The following CCDC85A variants were observed in gnomAD, a reference collection of about 807,000 sequenced individuals.
CCDC85A encodes the protein coiled-coil domain containing 85A, also known as coiled-coil domain-containing protein 85A.
In CCDC85A, 38 loss-of-function variants were observed where a neutral mutation model predicts 50.2. The observed-to-expected ratio is 0.76, with a 90% CI of 0.58 to 0.99. CCDC85A has a LOEUF of 0.99. Ranked by LOEUF, CCDC85A falls within the 50% of genes least tolerant of loss-of-function variation. The pLI is 0.00. For synonymous variants in CCDC85A, 366 were observed against 301.4 expected, an observed-to-expected ratio of 1.21 and a Z score of -2.22; for missense variants, 820 against 742.0, an observed-to-expected ratio of 1.11 and a Z score of -1.22.
chr2:56,344,799 A>G (rs1215103927), intron 3 of CCDC85A, among the ~76,000 whole-genome samples: 1 of 152,160 alleles, frequency 6.6e-6, no homozygotes, highest in Non-Finnish European at 1.5e-5. Context: ...TGGTTGTGCC[A>G]TCTCTCAGGC....
intron 2 of CCDC85A, among the ~76,000 whole-genome samples, chr2:56,314,710 C>T (rs543014164): frequency 1.3e-5 from 2 of 152,280 alleles, no homozygotes; most frequent in South Asian, 2.1e-4. Flanking sequence ...ACTGATTTCT[C>T]AGATGCCTGC....
chr2:56,308,257 C>G (rs1035582936), intron 2 of CCDC85A, among the ~76,000 whole-genome samples: 11 of 152,206 alleles, frequency 7.2e-5, no homozygotes, highest in Admixed American at 3.9e-4. Context: ...AGCTGTCTGT[C>G]CCTCTATAGA....
intron 3 of CCDC85A, among the ~76,000 whole-genome samples, chr2:56,367,480 A>G (rs1434841504): frequency 2.0e-5 from 3 of 152,128 alleles, no homozygotes; most frequent in Non-Finnish European, 1.5e-5. Flanking sequence ...TAGTTTCCCA[A>G]CATAGTTCTC....
chr2:56,380,577 C>T (rs918012960), intron 5 of CCDC85A, among the ~76,000 whole-genome samples: 6 of 150,550 alleles, frequency 4.0e-5, no homozygotes, highest in African/African-American at 1.2e-4. Flanking sequence ...AAAACAACAA[C>T]AACAGGATAG....
chr2:56,302,713 A>G (rs1573212532), intron 2 of CCDC85A, among the ~76,000 whole-genome samples: 1 of 152,190 alleles, frequency 6.6e-6, no homozygotes, highest in South Asian at 2.1e-4. Flanking sequence ...CATAAAGCTC[A>G]TTTTTACAAA....
At chr2:56,250,756 G>T (rs1558605987) in intron 2 of CCDC85A, among the ~76,000 whole-genome samples, 1 of 152,158 alleles carries the variant, frequency 6.6e-6, no homozygotes, top group African/African-American at 2.4e-5. Flanking sequence ...AAACAATCAA[G>T]TCTCTGTTCA....
At chr2:56,320,872 A>G (rs1450231506) in intron 2 of CCDC85A, among the ~76,000 whole-genome samples, 3 of 152,180 alleles carry the variant, frequency 2.0e-5, no homozygotes, top group Non-Finnish European at 4.4e-5. Context: ...CCTGATGAAC[A>G]TCAATGCAAA....
chr2:56,189,534 G>T (rs955941712), intron 1 of CCDC85A, among the ~76,000 whole-genome samples: 1 of 151,986 alleles, frequency 6.6e-6, no homozygotes, highest in Non-Finnish European at 1.5e-5. Context: ...CAAGTGATCT[G>T]CCCACCTCGG....
In CCDC85A at chr2:56,255,421, T is replaced by A. The variant is rs541679527; in HGVS notation, c.1240+61981T>A. ...TAGAATTAAGGAACCATTCACAAGGTTGAGGAAGGGATAGACAGGGTGATA... is the reference window on the plus strand; with the variant it reads ...TAGAATTAAGGAACCATTCACAAGGATGAGGAAGGGATAGACAGGGTGATA... On this transcript the variant is annotated intron_variant, in intron 2 of 5. Transcript: ENST00000407595. 9.4e-4 allele frequency among the ~76,000 whole-genome samples: 143 copies of A among 151,990 alleles called. 2 individuals carry two copies. Among genetic ancestry groups the A allele is most frequent in the African/African-American group, 3.4e-3 (141 of 41,432 alleles).
intron 2 of CCDC85A, among the ~76,000 whole-genome samples, chr2:56,252,103 A>G (rs1382452171): frequency 3.3e-5 from 5 of 150,896 alleles, no homozygotes. Flanking sequence ...TTGGAGTGCA[A>G]TGGCTCAATC....
rs1305873818 is a variant in CCDC85A at position 56,385,437 on chromosome 2, GTATACA to G, written c.*1093_*1098del. 1 of 152,050 alleles carries G rather than the reference GTATACA, an allele frequency of 6.6e-6. No individual in the cohort carries two copies. Among genetic ancestry groups the G allele is most frequent in the African/African-American group, 2.4e-5 (1 of 41,336 alleles). 9.4% of individuals were successfully genotyped at this position (152,050 alleles called of 1,614,324 possible). ...TTGCTTAGTTTATTTCTTATTTTTG[GTATACA>G]TATACATATATATAACATTAGAATG... On this transcript the variant is annotated 3_prime_UTR_variant, in exon 6 of 6. Transcript: ENST00000407595.
At chr2:56,301,960 A>C (rs1672225424) in intron 2 of CCDC85A, among the ~76,000 whole-genome samples, 1 of 152,328 alleles carries the variant, frequency 6.6e-6, no homozygotes, top group South Asian at 2.1e-4. Flanking sequence ...GTGTAATTAA[A>C]AAAATCATAA....
chr2:56,320,458 A>G (rs1458053464), intron 2 of CCDC85A, among the ~76,000 whole-genome samples: 1 of 152,184 alleles, frequency 6.6e-6, no homozygotes, highest in African/African-American at 2.4e-5. Context: ...TAAAGGGGAT[A>G]TCACCACCGA....
chr2:56,234,517 C>T (rs974714664), intron 2 of CCDC85A, among the ~76,000 whole-genome samples: 1 of 152,172 alleles, frequency 6.6e-6, no homozygotes, highest in African/African-American at 2.4e-5. Context: ...AAAAATTAAA[C>T]CACCACATAT....
At chr2:56,286,829 TG>T (rs376891899) in intron 2 of CCDC85A, among the ~76,000 whole-genome samples, 20 of 152,332 alleles carry the variant, frequency 1.3e-4, no homozygotes, top group African/African-American at 4.8e-4. Flanking sequence ...TGGGGTATGT[TG>T]TGTTCTTTGA....
At chr2:56,237,232 T>A (rs193005863) in intron 2 of CCDC85A, among the ~76,000 whole-genome samples, 1 of 152,130 alleles carries the variant, frequency 6.6e-6, no homozygotes, top group Admixed American at 6.5e-5. Context: ...AAGTCAGATA[T>A]CCTCTTTAGA....
intron 2 of CCDC85A, among the ~76,000 whole-genome samples, chr2:56,293,053 A>AC (rs1403348529): frequency 6.6e-6 from 1 of 152,190 alleles, no homozygotes; most frequent in South Asian, 2.1e-4. Context: ...GGACCAGGCT[A>AC]CCCCCAGCTG....
intron 2 of CCDC85A, among the ~76,000 whole-genome samples, chr2:56,228,784 C>T (rs1052594818): frequency 1.3e-5 from 2 of 152,286 alleles, no homozygotes; most frequent in African/African-American, 4.8e-5. Context: ...CCGCCCGCCT[C>T]GGCCTCCCAA....
chr2:56,273,387 A>G (rs1670782529), intron 2 of CCDC85A, among the ~76,000 whole-genome samples: 2 of 152,130 alleles, frequency 1.3e-5, no homozygotes, highest in Admixed American at 1.3e-4. Context: ...CCATTGCAGT[A>G]TTCCAATGAT....
Sources: allele counts gnomAD v4.1 joint callset (sites outside exome capture counted in the v4.1 genomes callset), GRCh38; gene constraint gnomAD v4.1.1; transcripts MANE v1.5; gene names NCBI Gene and HGNC (gene_info 2026-07-23, HGNC 2026-07-21).